TARBP1: variants seen among roughly 807,000 people sequenced by gnomAD.
The protein encoded by TARBP1 is tRNA guanosine 2 -O-methyltransferase TARBP1.
Under a neutral mutation model 178.6 loss-of-function variants are expected in TARBP1, and 144 were observed. The ratio of observed to expected loss-of-function variants is 0.81; its 90% CI spans 0.70 to 0.93. The LOEUF (loss-of-function observed/expected upper bound fraction) is 0.93, where lower values mean the gene tolerates loss of function less well. Among genes scored for constraint, TARBP1 ranks in the 40% least tolerant of loss-of-function variants. The pLI is 0.00. For missense variants in TARBP1, 2,067 were observed against 2,011.7 expected (o/e 1.03, Z -0.53); for synonymous variants, 787 against 781.0 (o/e 1.01, Z -0.13).
At chr1:234,470,452 C>T (rs1034229799) in intron 3 of TARBP1, among the ~76,000 whole-genome samples, 1 of 152,084 alleles carries the variant, frequency 6.6e-6, no homozygotes, top group Admixed American at 6.6e-5. Flanking sequence ...ACATAGGATA[C>T]ACTAAGCAAG....
At chr1:234,436,664 T>C (rs566193451) in intron 13 of TARBP1, among the ~76,000 whole-genome samples, 88 of 152,346 alleles carry the variant, frequency 5.8e-4, no homozygotes, top group African/African-American at 2.0e-3. Context: ...TTATTGGCAA[T>C]GTAAGCATTC....
At chr1:234,422,969 A>G (rs1013595669) in intron 20 of TARBP1, among the ~76,000 whole-genome samples, 19 of 152,206 alleles carry the variant, frequency 1.2e-4, no homozygotes, top group African/African-American at 4.3e-4. Context: ...CAGCTCCAGA[A>G]TCACAAGGGC....
intron 3 of TARBP1, among the ~76,000 whole-genome samples, chr1:234,470,275 A>G (rs551648839): frequency 6.6e-6 from 1 of 152,230 alleles, no homozygotes; most frequent in South Asian, 2.1e-4. Flanking sequence ...CATCTCAAAA[A>G]CAAAAAAAAA....
chr1:234,415,737 C>G (rs1276453359), intron 22 of TARBP1, among the ~76,000 whole-genome samples: 2 of 152,190 alleles, frequency 1.3e-5, no homozygotes, highest in Non-Finnish European at 1.5e-5. Flanking sequence ...TAGCAAAGCC[C>G]TGCTGAAGGC....
intron 1 of TARBP1, among the ~76,000 whole-genome samples, chr1:234,475,473 T>G (rs1036052209): frequency 2.0e-5 from 3 of 152,182 alleles, no homozygotes; most frequent in Non-Finnish European, 4.4e-5. Flanking sequence ...CCTGCACTGA[T>G]ACAAAGCTGG....
rs747035436 is a variant in TARBP1 at position 234,418,239 on chromosome 1, A to G, written c.3556-6T>C. 3 of 1,547,104 alleles carry G rather than the reference A, an allele frequency of 1.9e-6. No individual in the cohort carries two copies. The highest frequency in any genetic ancestry group is 2.4e-5 in the Admixed American group (1 of 40,912). ...ATAATTCCATTCAAGAAATTCTGAG[A>G]AAAAAAGTTCACAATTAACCAGTTA... On this transcript the variant is annotated splice_polypyrimidine_tract_variant and splice_region_variant and intron_variant, in intron 21 of 29. Transcript: ENST00000040877.
At chr1:234,461,010 C>A (rs574026301) in intron 6 of TARBP1, among the ~76,000 whole-genome samples, 1 of 152,294 alleles carries the variant, frequency 6.6e-6, no homozygotes, top group African/African-American at 2.4e-5. Context: ...CAAAGAGGAT[C>A]AGTGGCTGCC....
intron 21 of TARBP1, 57 bp downstream of exon 21, chr1:234,420,645 T>C (rs1662977520): frequency 5.3e-6 from 6 of 1,125,532 alleles, no homozygotes; most frequent in Non-Finnish European, 7.7e-6. Context: ...TTCTGCAAAA[T>C]AGTTCAGTCA....
intron 12 of TARBP1, among the ~76,000 whole-genome samples, chr1:234,441,473 G>C (rs1055884224): frequency 3.9e-5 from 6 of 152,162 alleles, no homozygotes; most frequent in Non-Finnish European, 7.4e-5. Context: ...TAAACACTTA[G>C]ATCAAAAGAA....
At chr1:234,452,850 T>TTTATTTA (rs1191693531) in intron 9 of TARBP1, among the ~76,000 whole-genome samples, 3 of 150,340 alleles carry the variant, frequency 2.0e-5, no homozygotes, top group Non-Finnish European at 4.4e-5. Context: ...CTGTGGTACA[T>TTTATTTA]CCAGACAATG....
chr1:234,432,867 T>C (rs2065143), intron 14 of TARBP1, among the ~76,000 whole-genome samples: 24,498 of 152,200 alleles, frequency 0.16, 2,165 homozygotes, highest in Middle Eastern at 0.2. Context: ...GACTATAAAA[T>C]GTCCTTTACT....
At chr1:234,441,150 C>T (rs1055811615) in intron 12 of TARBP1, among the ~76,000 whole-genome samples, 1 of 152,214 alleles carries the variant, frequency 6.6e-6, no homozygotes, top group African/African-American at 2.4e-5. Context: ...CACCACTGTA[C>T]TCCAGCCTGG....
At chr1:234,401,293 G>A (rs757479066) in intron 24 of TARBP1, 31 bp from the exon 25 acceptor site, 1 of 1,554,780 alleles carries the variant, frequency 6.4e-7, no homozygotes, top group Middle Eastern at 1.7e-4. Context: ...ATGAGCCACA[G>A]ACAAATGAAA....
chr1:234,395,643 T>C (rs1659860073), intron 26 of TARBP1, among the ~76,000 whole-genome samples: 1 of 152,246 alleles, frequency 6.6e-6, no homozygotes. Context: ...ATGTCCAGTC[T>C]GTTCAGGACA....
intron 12 of TARBP1, among the ~76,000 whole-genome samples, chr1:234,438,099 AG>A (rs1487931593): frequency 6.6e-6 from 1 of 152,230 alleles, no homozygotes; most frequent in Non-Finnish European, 1.5e-5. Context: ...CAGCAGAAGC[AG>A]CACCCACAGA....
chr1:234,428,459 G>C (rs10797548), intron 17 of TARBP1, among the ~76,000 whole-genome samples: 21,208 of 152,002 alleles, frequency 0.14, 1,652 homozygotes, highest in Middle Eastern at 0.26. Context: ...CTACTCAACC[G>C]AGCGATCAAT....
In TARBP1 at chr1:234,478,218, C is replaced by T; in HGVS notation, c.886G>A (p.Ala296Thr). 3.1e-6 allele frequency: 5 copies of T among 1,612,008 alleles called. No individual in the cohort carries two copies. The highest frequency in any genetic ancestry group is 4.2e-6 in the Non-Finnish European group (5 of 1,179,616). The change falls in exon 1 of 30, where the codon GCG becomes ACG. Residue 296 changes from alanine to threonine, a missense_variant. By Grantham distance (58) the Ala-to-Thr change is moderately conservative. Transcript: ENST00000040877. ...CAGGTGCAGTCGGCCCCCAGCTCCG[C>T]CGACACCTCCACCGCCCTCTGCAGC... The part of the protein sequence containing the change: ...YLLQRAVEVS[A>T]ELGADCTCGP...
chr1:234,451,438 A>G (rs1000673522), intron 9 of TARBP1, among the ~76,000 whole-genome samples: 16 of 152,164 alleles, frequency 1.1e-4, no homozygotes, highest in Admixed American at 3.9e-4. Flanking sequence ...AGAATACATC[A>G]CCTGACCAAA....
chr1:234,446,798 C>G lies in TARBP1; in HGVS notation c.2134+5G>C. The G allele has an allele frequency of 1.2e-6, 2 of 1,612,796 alleles. No homozygotes were observed. The highest frequency in any genetic ancestry group is 1.7e-6 in the Non-Finnish European group (2 of 1,179,480). On this transcript the variant is annotated splice_donor_5th_base_variant and intron_variant, in intron 12 of 29. Coordinates refer to ENST00000040877, the MANE Select transcript of TARBP1 (RefSeq NM_005646.4). ...AAGATACCAAGAGAAACAACTTATC[C>G]TCACCATCTTGGGCACTGGAACCTT...
Sources: allele counts gnomAD v4.1 joint callset (sites outside exome capture counted in the v4.1 genomes callset), GRCh38; gene constraint gnomAD v4.1.1; transcripts MANE v1.5; gene names NCBI Gene and HGNC (gene_info 2026-07-23, HGNC 2026-07-21).